Variants in PRKAR1B observed in about 807,000 individuals in gnomAD.
PRKAR1B encodes the protein cAMP-dependent protein kinase type I-beta regulatory subunit.
In PRKAR1B, 22 loss-of-function variants were observed where a neutral mutation model predicts 46.5. That is an observed-to-expected ratio of 0.47 (90% CI 0.34 to 0.68). The LOEUF is 0.68. Ranked by LOEUF, PRKAR1B falls within the 30% of genes least tolerant of loss-of-function variation. PRKAR1B has a pLI of 0.01. For synonymous variants in PRKAR1B, 259 were observed against 217.7 expected, an observed-to-expected ratio of 1.19 and a Z score of -1.67; for missense variants, 445 against 535.6, an observed-to-expected ratio of 0.83 and a Z score of 1.67.
At chr7:598,250 ACCCT>A (rs760752837) in intron 6 of PRKAR1B, among the ~76,000 whole-genome samples, 1 of 62,782 alleles carries the variant, frequency 1.6e-5, no homozygotes. Context: ...AAACACCATC[ACCCT>A]CCCTCCAGCA....
intron 7 of PRKAR1B, among the ~76,000 whole-genome samples, chr7:589,107 G>A (rs929152637): frequency 1.5e-5 from 2 of 134,074 alleles, no homozygotes; most frequent in African/African-American, 5.5e-5. Context: ...TGCTGACGGG[G>A]AAAGTCAGGA....
rs571782983 is a variant in PRKAR1B at position 577,522 on chromosome 7, G to A, written c.891+1734C>T. On this transcript the variant is annotated intron_variant, in intron 9 of 10. Transcript: ENST00000537384. ...AGCATACGTGTAGCTCTGCAGAGCC[G>A]GGCAGGTCACCACACAGCCTGGACA... 5.8e-4 allele frequency among the ~76,000 whole-genome samples: 88 copies of A among 152,246 alleles called. 3 individuals are homozygous for A. Among genetic ancestry groups the A allele is most frequent in the East Asian group, 1.9e-4 (1 of 5,174 alleles).
intron 2 of PRKAR1B, among the ~76,000 whole-genome samples, chr7:682,362 C>T (rs1468718903): frequency 1.3e-5 from 2 of 151,938 alleles, no homozygotes; most frequent in Admixed American, 6.6e-5. Context: ...GGTGTGGTGG[C>T]TCACGCCTAT....
intron 2 of PRKAR1B, among the ~76,000 whole-genome samples, chr7:692,300 T>C (rs953991311): frequency 6.6e-6 from 1 of 152,218 alleles, no homozygotes; most frequent in Non-Finnish European, 1.5e-5. Flanking sequence ...CTTGGGAGGC[T>C]GAGGCAGGAG....
chr7:601,892 G>C (rs1045940622), intron 6 of PRKAR1B, among the ~76,000 whole-genome samples: 2 of 152,092 alleles, frequency 1.3e-5, no homozygotes, highest in Middle Eastern at 3.4e-3. Context: ...CGGGGGGGCT[G>C]GGGAGGGGTA....
intron 2 of PRKAR1B, among the ~76,000 whole-genome samples, chr7:705,153 A>G (rs541928968): frequency 5.9e-4 from 90 of 151,914 alleles, no homozygotes; most frequent in Non-Finnish European, 9.3e-4. Flanking sequence ...CTAGCTAGGC[A>G]TGGTGGCACA....
intron 7 of PRKAR1B, among the ~76,000 whole-genome samples, chr7:589,489 T>G (rs1423288848): frequency 6.6e-6 from 1 of 151,772 alleles, no homozygotes; most frequent in East Asian, 1.9e-4. Flanking sequence ...CTATGCTGAA[T>G]GCTCCCCAGC....
At chr7:705,786 G>A (rs1460718899) in intron 2 of PRKAR1B, among the ~76,000 whole-genome samples, 1 of 152,146 alleles carries the variant, frequency 6.6e-6, no homozygotes, top group Middle Eastern at 3.2e-3. Context: ...CAACACACTG[G>A]GAGGCCGAGG....
intron 4 of PRKAR1B, among the ~76,000 whole-genome samples, chr7:616,436 G>A (rs528359911): frequency 5.3e-5 from 8 of 152,242 alleles, no homozygotes; most frequent in South Asian, 2.1e-4. Context: ...TCACTGATCC[G>A]GGGGACCAGG....
chr7:609,396 C>T (rs1008207043), intron 4 of PRKAR1B, among the ~76,000 whole-genome samples: 4 of 152,090 alleles, frequency 2.6e-5, no homozygotes, highest in East Asian at 1.9e-4. Context: ...CTGTGTACCC[C>T]CCACCACCCA....
At chr7:690,769 G>A (rs1468666500) in intron 2 of PRKAR1B, among the ~76,000 whole-genome samples, 1 of 152,150 alleles carries the variant, frequency 6.6e-6, no homozygotes, top group Non-Finnish European at 1.5e-5. Context: ...GACGCTCAGA[G>A]GCCTGATGCC....
At chr7:559,349 G>A (rs1266396115) in intron 9 of PRKAR1B, among the ~76,000 whole-genome samples, 1 of 152,212 alleles carries the variant, frequency 6.6e-6, no homozygotes, top group Admixed American at 6.5e-5. Flanking sequence ...GGCCGAGAGA[G>A]GGGCTGGTGC....
intron 9 of PRKAR1B, among the ~76,000 whole-genome samples, chr7:556,804 G>A (rs1778472782): frequency 6.6e-6 from 1 of 152,228 alleles, no homozygotes; most frequent in South Asian, 2.1e-4. Flanking sequence ...GCTGTGTCTT[G>A]AGCTCAGATG....
intron 9 of PRKAR1B, among the ~76,000 whole-genome samples, chr7:554,726 G>A (rs979633405): frequency 2.4e-4 from 31 of 129,538 alleles, no homozygotes; most frequent in African/African-American, 5.8e-4. Context: ...CCACAGAGCC[G>A]GAAGACAGGG....
At position 574,389 on chromosome 7, in the gene PRKAR1B, G is replaced by C. The variant is rs191569152; in HGVS notation, c.891+4867C>G. ...AGCTCCAGCTGGGTAGGGCCAGACA[G>C]GGCTGCAGGTCCAGTGTGGCCGGAT... On this transcript the variant is annotated intron_variant, in intron 9 of 10. Coordinates refer to ENST00000537384, the MANE Select transcript of PRKAR1B (RefSeq NM_001164760.2). 1.3e-3 allele frequency among the ~76,000 whole-genome samples: 191 copies of C among 152,374 alleles called. 2 individuals are homozygous for C. Among genetic ancestry groups the C allele is most frequent in the African/African-American group, 4.4e-3 (181 of 41,594 alleles).
At chr7:679,329 C>T (rs901930309) in intron 3 of PRKAR1B, among the ~76,000 whole-genome samples, 3 of 152,164 alleles carry the variant, frequency 2.0e-5, no homozygotes, top group South Asian at 2.1e-4. Flanking sequence ...CTGTCTCCCC[C>T]GTGGCCTCCG....
chr7:704,233 A>G (rs955209103), intron 2 of PRKAR1B, among the ~76,000 whole-genome samples: 1 of 152,208 alleles, frequency 6.6e-6, no homozygotes, highest in Non-Finnish European at 1.5e-5. Context: ...AATCTAAACA[A>G]AAATAGACAA....
chr7:654,056 AATCACCATCTTC>A (rs980206479), intron 4 of PRKAR1B, among the ~76,000 whole-genome samples: 6 of 145,626 alleles, frequency 4.1e-5, no homozygotes, highest in Admixed American at 6.8e-5. Flanking sequence ...ATCACTTCAC[AATCACCATCTTC>A]ATCACCATCA....
In PRKAR1B at chr7:715,231, T is replaced by C. The variant is rs116195985; in HGVS notation, c.-22-3704A>G. The stretch of plus-strand genomic sequence containing the variant: ...CGTACTACTGCCTGAGCCCGTTGGC[T>C]TTTTGCTTTTTGTTAGTCGCCACTG... On this transcript the variant is annotated intron_variant, in intron 1 of 10. Transcript: ENST00000537384. Among the ~76,000 whole-genome samples, 746 of 152,234 alleles carry C rather than the reference T, an allele frequency of 4.9e-3. 10 individuals are homozygous for C. The highest frequency in any genetic ancestry group is 0.017 in the African/African-American group (720 of 41,536).
Sources: gnomAD v4.1 joint callset for allele counts (sites outside exome capture counted in the v4.1 genomes callset) on GRCh38, gnomAD v4.1.1 for gene constraint, MANE v1.5 for transcripts, NCBI Gene and HGNC (gene_info 2026-07-23, HGNC 2026-07-21) for gene names.